The following ARHGEF7 variants were observed in gnomAD, a reference collection of about 807,000 sequenced individuals.
The protein encoded by ARHGEF7 is Rho guanine nucleotide exchange factor 7, also known as PAK-interacting exchange factor beta.
Under a neutral mutation model 109.8 loss-of-function variants are expected in ARHGEF7, and 33 were observed. That is an observed-to-expected ratio of 0.30 (90% confidence interval 0.23 to 0.40). ARHGEF7 has a LOEUF of 0.40. Ranked by LOEUF, ARHGEF7 falls within the 10% of genes least tolerant of loss-of-function variation. The pLI is 1.00. For synonymous variants in ARHGEF7, 458 were observed against 424.6 expected, an observed-to-expected ratio of 1.08 and a Z score of -0.97; for missense variants, 938 against 1,098.5, an observed-to-expected ratio of 0.85 and a Z score of 2.07.
intron 2 of ARHGEF7, among the ~76,000 whole-genome samples, chr13:111,160,224 G>T (rs1420237769): frequency 2.0e-5 from 3 of 152,100 alleles, no homozygotes; most frequent in Non-Finnish European, 2.9e-5. Flanking sequence ...CTGCTTTTAT[G>T]CTAGTGCCAT....
chr13:111,225,962 G>A (rs2085157959), intron 5 of ARHGEF7, among the ~76,000 whole-genome samples: 1 of 152,230 alleles, frequency 6.6e-6, no homozygotes, highest in Admixed American at 6.5e-5. Context: ...AAGGCATGTA[G>A]AAAGGTGAGA....
At position 111,238,135 on chromosome 13, in the gene ARHGEF7, G is replaced by A. The variant is rs565349898; in HGVS notation, c.759+4842G>A. ...CTCTTGCCTCTATTTTCTCATGTAC[G>A]TACTGTTTGAAATCAGTCTGTTAGC... is the stretch of plus-strand genomic sequence containing the variant. On this transcript the variant is annotated intron_variant, in intron 6 of 21. Transcript: ENST00000646102. Among the ~76,000 whole-genome samples, 40 of 152,240 alleles carry A rather than the reference G, an allele frequency of 2.6e-4. 1 individual carries two copies. Among genetic ancestry groups the A allele is most frequent in the East Asian group, 7.7e-4 (4 of 5,180 alleles).
chr13:111,293,235 C>T, intron 19 of ARHGEF7: 2 of 985,382 alleles, frequency 2.0e-6, no homozygotes, highest in Non-Finnish European at 2.4e-6. Flanking sequence ...AGTGCTGTGG[C>T]TTCAGTTCCC....
Position 111,277,816 on chromosome 13 carries a change from G to T in ARHGEF7, c.1506+143G>T, listed in dbSNP as rs1311466098. 4 of 575,318 alleles carry T rather than the reference G, an allele frequency of 7.0e-6. No homozygotes were observed. The African/African-American group carries it at 7.5e-5, about 11-fold the overall frequency. 35.6% of individuals were successfully genotyped at this position (575,318 alleles called of 1,614,324 possible). ...CTGTATATTCAGATATGGACGTACA[G>T]CTCCTGTTTGTGTTTCGTTGTGACT... is the stretch of plus-strand genomic sequence containing the variant. On this transcript the variant is annotated intron_variant, in intron 13 of 21. Transcript: ENST00000646102.
At chr13:111,269,185 C>T (rs910229884) in intron 9 of ARHGEF7, among the ~76,000 whole-genome samples, 4 of 152,316 alleles carry the variant, frequency 2.6e-5, no homozygotes, top group South Asian at 2.1e-4. Flanking sequence ...CGTCTCCAAG[C>T]GTCCAGCATG....
In ARHGEF7 at chr13:111,300,793, A is replaced by G; in HGVS notation, c.2357A>G (p.Glu786Gly). 3 of 1,612,140 alleles carry G rather than the reference A, an allele frequency of 1.9e-6. No individual in the cohort carries two copies. Among genetic ancestry groups the G allele is most frequent in the Non-Finnish European group, 2.5e-6 (3 of 1,179,158 alleles). ...SAPQVLLPEEEKIIVEETKSN... is the reference protein window; with the variant it reads ...SAPQVLLPEEGKIIVEETKSN... Reference sequence around the variant, plus strand: ...CCACAAGTTTTGCTTCCAGAAGAAGAGAAAATTATAGTGGAAGAAACTAAA... The same window carrying G: ...CCACAAGTTTTGCTTCCAGAAGAAGGGAAAATTATAGTGGAAGAAACTAAA... The change falls in exon 20 of 22, where the codon GAG (glutamate) becomes GGG (glycine). Residue 786 changes from glutamate (E) to glycine (G), a missense_variant. Coordinates refer to ENST00000646102, the MANE Select transcript of ARHGEF7 (RefSeq NM_001354046.2).
chr13:111,154,661 A>G (rs1384842635), intron 2 of ARHGEF7, among the ~76,000 whole-genome samples: 1 of 152,206 alleles, frequency 6.6e-6, no homozygotes, highest in African/African-American at 2.4e-5. Context: ...TCACTTTACT[A>G]AACATTGTCT....
At chr13:111,210,578 A>G (rs1451348194) in intron 4 of ARHGEF7, among the ~76,000 whole-genome samples, 3 of 152,212 alleles carry the variant, frequency 2.0e-5, no homozygotes, top group Admixed American at 1.3e-4. Flanking sequence ...TGCTCAGGAT[A>G]CAGGCTGTGA....
At chr13:111,283,104 T>C (rs1446780953) in intron 15 of ARHGEF7, 35 bp from the exon 16 acceptor site, 1 of 1,556,874 alleles carries the variant, frequency 6.4e-7, no homozygotes, top group African/African-American at 1.4e-5. Context: ...GCGAGTCTCA[T>C]GTTCTCTGCC....
intron 15 of ARHGEF7, 68 bp downstream of exon 15, chr13:111,280,745 A>C: frequency 7.1e-7 from 1 of 1,399,996 alleles, no homozygotes; most frequent in South Asian, 1.7e-5. Flanking sequence ...GCTGTCAGCA[A>C]GTGATCAGTT....
At chr13:111,263,539 C>G (rs539976865) in intron 8 of ARHGEF7, among the ~76,000 whole-genome samples, 1 of 152,236 alleles carries the variant, frequency 6.6e-6, no homozygotes, top group Non-Finnish European at 1.5e-5. Context: ...CAGCACTGAG[C>G]AGTATTTCTG....
chr13:111,121,529 C>T (rs986784715), intron 1 of ARHGEF7, among the ~76,000 whole-genome samples: 2 of 152,040 alleles, frequency 1.3e-5, no homozygotes, highest in African/African-American at 2.4e-5. Context: ...GGGGCAGAGC[C>T]GTTTGTTCTT....
At chr13:111,136,357 C>T (rs1418487339) in intron 1 of ARHGEF7, among the ~76,000 whole-genome samples, 4 of 151,388 alleles carry the variant, frequency 2.6e-5, no homozygotes, top group African/African-American at 7.3e-5. Flanking sequence ...AAGCACTCTT[C>T]AGCAAATGTA....
chr13:111,169,851 G>A (rs1037026476), intron 2 of ARHGEF7, among the ~76,000 whole-genome samples: 2 of 152,178 alleles, frequency 1.3e-5, no homozygotes, highest in African/African-American at 4.8e-5. Flanking sequence ...CTTAGGGAGT[G>A]TAATTCTAGT....
At chr13:111,150,937 A>C (rs976722567) in intron 1 of ARHGEF7, among the ~76,000 whole-genome samples, 1 of 152,238 alleles carries the variant, frequency 6.6e-6, no homozygotes, top group Non-Finnish European at 1.5e-5. Context: ...TTCTGGAATG[A>C]AGCAGTGGTG....
chr13:111,221,579 CTATATATA>C (rs199904499), intron 5 of ARHGEF7, among the ~76,000 whole-genome samples: 8 of 61,960 alleles, frequency 1.3e-4, no homozygotes, highest in Non-Finnish European at 2.2e-4. Context: ...AGATACATAT[CTATATATA>C]TCTATATATA....
intron 1 of ARHGEF7, among the ~76,000 whole-genome samples, chr13:111,129,697 C>T (rs749543021): frequency 2.6e-5 from 4 of 152,182 alleles, no homozygotes; most frequent in South Asian, 2.1e-4. Context: ...CGTATCATCA[C>T]GGCTGAAATC....
chr13:111,167,908 C>T (rs545507279), intron 2 of ARHGEF7, among the ~76,000 whole-genome samples: 16 of 152,198 alleles, frequency 1.1e-4, no homozygotes, highest in Non-Finnish European at 1.6e-4. Flanking sequence ...AGGCGCTTTC[C>T]GGAGGACAGA....
chr13:111,125,339 G>A (rs1339775797), intron 1 of ARHGEF7, among the ~76,000 whole-genome samples: 3 of 146,928 alleles, frequency 2.0e-5, no homozygotes, highest in Non-Finnish European at 4.5e-5. Context: ...TTTTTTTCTT[G>A]TTGCTTGGTA....
Sources: allele counts gnomAD v4.1 joint callset (sites outside exome capture counted in the v4.1 genomes callset), GRCh38; gene constraint gnomAD v4.1.1; transcripts MANE v1.5; gene names NCBI Gene and HGNC (gene_info 2026-07-23, HGNC 2026-07-21).